The following KL variants were observed in gnomAD, a reference collection of about 807,000 sequenced individuals.
KL encodes klotho.
KL carries 62 observed loss-of-function variants against 84.2 expected under a neutral mutation model. The ratio of observed to expected loss-of-function variants is 0.74; its 90% CI spans 0.60 to 0.91. The LOEUF is 0.91. Among genes scored for constraint, KL ranks in the 40% least tolerant of loss-of-function variants. The pLI is 0.00. For synonymous variants in KL, 528 were observed against 528.0 expected (o/e 1.00, Z 0.00); for missense variants, 1,261 against 1,305.7 (o/e 0.97, Z 0.53).
rs754330394 is a variant in KL, at chr13:33,060,864, C to T, written c.1785C>T (p.Phe595=). The change falls in exon 4 of 5, where the codon TTC becomes TTT. Residue 595 remains phenylalanine (F), a synonymous_variant. Coordinates refer to ENST00000380099, the MANE Select transcript of KL (RefSeq NM_004795.4). ...LQEMHVTHFR[F]SLDWALILPL... Reference sequence around the variant, plus strand: ...AAATGCACGTTACACATTTTCGCTTCTCCCTGGACTGGGCCCTGATTCTCC... The same window carrying T: ...AAATGCACGTTACACATTTTCGCTTTTCCCTGGACTGGGCCCTGATTCTCC... 5.0e-6 allele frequency: 8 copies of T among 1,614,224 alleles called. No homozygotes were observed. In the South Asian group the frequency reaches 6.6e-5, roughly 13 times the overall value.
In KL at chr13:33,064,683, G is replaced by T; in HGVS notation, c.*497G>T. ...GTTTCCTATGGAAAAGAAGATGGCA[G>T]ATACAGGAGAGACGACAGAGGGTCC... On this transcript the variant is annotated 3_prime_UTR_variant, in exon 5 of 5. Transcript: ENST00000380099. 4.3e-6 allele frequency: 1 copy of T among 233,648 alleles called. No homozygotes were observed. The highest frequency in any genetic ancestry group is 8.4e-6 in the Non-Finnish European group (1 of 118,524). The allele number at this position is 233,648 out of a possible 1,614,324, so 14.5% of individuals were successfully genotyped here.
chr13:33,057,258 C>G (rs1266242630), intron 3 of KL, among the ~76,000 whole-genome samples: 1 of 152,102 alleles, frequency 6.6e-6, no homozygotes, highest in Non-Finnish European at 1.5e-5. Context: ...CTGTGCAGAT[C>G]ATGGGAACGA....
chr13:33,016,735 G>T lies in KL; in HGVS notation c.295G>T (p.Ala99Ser). ...GGATACGTTCACCCACCACCCCCTGGCACCCCCGGGAGACTCCCGGAACGC... is the reference window on the plus strand; with the variant it reads ...GGATACGTTCACCCACCACCCCCTGTCACCCCCGGGAGACTCCCGGAACGC... ...IWDTFTHHPL[A>S]PPGDSRNASL... The change falls in exon 1 of 5, where the codon GCA (alanine) becomes TCA (serine). Residue 99 changes from alanine to serine, a missense_variant. Ala to Ser is a moderately conservative substitution (Grantham distance 99). Transcript: ENST00000380099. The T allele has an allele frequency of 6.2e-7, 1 of 1,611,078 alleles. No homozygotes were observed.
rs753553908 is a variant in KL at position 33,061,171 on chromosome 13, A to G, written c.2092A>G (p.Ser698Gly). The G allele has an allele frequency of 2.5e-6, 4 of 1,614,154 alleles. No homozygotes were observed. In the African/African-American group the frequency reaches 4.0e-5, roughly 16 times the overall value. ...GCCGTATACAAGGAATATGACATAC[A>G]GTGCTGGCCACAACCTTCTGAAGGC... ...NEPYTRNMTY[S>G]AGHNLLKAHA... Residue 698 changes from serine to glycine, a missense_variant, in exon 4 of 5, where the codon AGT becomes GGT. Ser to Gly is a moderately conservative substitution (Grantham distance 56, BLOSUM62 0). Transcript: ENST00000380099.
chr13:33,020,976 C>A (rs1464194233), intron 1 of KL, among the ~76,000 whole-genome samples: 1 of 152,150 alleles, frequency 6.6e-6, no homozygotes, highest in Non-Finnish European at 1.5e-5. Flanking sequence ...CTATGGCATC[C>A]TGCACAGGAC....
At chr13:33,036,592 ATTGGCCTGGC>A (rs1231879020) in intron 1 of KL, among the ~76,000 whole-genome samples, 4 of 152,150 alleles carry the variant, frequency 2.6e-5, no homozygotes, top group African/African-American at 9.6e-5. Context: ...AAGGTATCTC[ATTGGCCTGGC>A]TTGGGTCATT....
intron 1 of KL, among the ~76,000 whole-genome samples, chr13:33,042,411 G>T (rs775608067): frequency 6.6e-6 from 1 of 152,076 alleles, no homozygotes; most frequent in African/African-American, 2.4e-5. Flanking sequence ...GTAGGAAACC[G>T]CTGTTGTGAT....
At chr13:33,045,129 T>C (rs1871479083) in intron 1 of KL, among the ~76,000 whole-genome samples, 1 of 152,198 alleles carries the variant, frequency 6.6e-6, no homozygotes, top group Non-Finnish European at 1.5e-5. Flanking sequence ...TGGAATTGTT[T>C]TCTTAATTTT....
rs141133607 is a variant in KL, at chr13:33,060,867, C to A, written c.1788C>A (p.Ser596=). 73 of 1,614,216 alleles carry A rather than the reference C, an allele frequency of 4.5e-5. No individual in the cohort carries two copies. In the African/African-American group the frequency reaches 6.9e-4, roughly 15 times the overall value. ...QEMHVTHFRF[S]LDWALILPLG... is the part of the protein sequence containing the mutation. ...TGCACGTTACACATTTTCGCTTCTC[C>A]CTGGACTGGGCCCTGATTCTCCCTC... Residue 596 remains serine (S), a synonymous_variant, in exon 4 of 5, where the codon TCC becomes TCA. Coordinates refer to ENST00000380099, the MANE Select transcript of KL (RefSeq NM_004795.4).
chr13:33,055,269 C>T lies in KL; in HGVS notation c.1553C>T (p.Thr518Ile), dbSNP rs1031858876. The change falls in exon 3 of 5, where the codon ACA becomes ATA. Residue 518 changes from threonine (T) to isoleucine (I), a missense_variant. Physicochemically the swap from Thr to Ile is moderately conservative, Grantham distance 89. Coordinates refer to ENST00000380099, the MANE Select transcript of KL (RefSeq NM_004795.4). ...CCTGAAAATCAGCCCCTAGAAGGGACATTTCCCTGTGACTTTGCTTGGGGA... is the reference window on the plus strand; with the variant it reads ...CCTGAAAATCAGCCCCTAGAAGGGATATTTCCCTGTGACTTTGCTTGGGGA... Reference protein sequence around the residue: ...PLPENQPLEGTFPCDFAWGVV... With the variant: ...PLPENQPLEGIFPCDFAWGVV... The T allele has an allele frequency of 2.5e-6, 4 of 1,614,054 alleles. No individual in the cohort carries two copies. The highest frequency in any genetic ancestry group is 2.2e-5 in the East Asian group (1 of 44,896).
Position 33,064,289 on chromosome 13 carries a change from A to G in KL, c.*103A>G. On this transcript the variant is annotated 3_prime_UTR_variant, in exon 5 of 5. Coordinates refer to ENST00000380099, the MANE Select transcript of KL (RefSeq NM_004795.4). ...TGTTGTGAAACTGTAAATTTCATAC[A>G]TTTGACTTCTAGAAAACATTTTTGT... 4.4e-6 allele frequency: 4 copies of G among 914,246 alleles called. No individual in the cohort carries two copies. The highest frequency in any genetic ancestry group is 2.5e-5 in the Admixed American group (1 of 39,744). 56.6% of individuals were successfully genotyped at this position (914,246 alleles called of 1,614,324 possible). A position where few individuals can be genotyped will look rare whatever the true frequency, so the allele number is the denominator to read the frequency against.
intron 1 of KL, among the ~76,000 whole-genome samples, chr13:33,049,547 C>T (rs1381840830): frequency 1.3e-5 from 2 of 152,134 alleles, no homozygotes; most frequent in Admixed American, 6.5e-5. Flanking sequence ...CTGGAGGTGG[C>T]GACATCTAAG....
chr13:33,035,514 A>G (rs964212426), intron 1 of KL, among the ~76,000 whole-genome samples: 3 of 152,214 alleles, frequency 2.0e-5, no homozygotes, highest in African/African-American at 7.2e-5. Context: ...AAAAAATCCT[A>G]TTTGACTGAT....
In KL at chr13:33,016,631, G is replaced by A. The variant is rs749006234; in HGVS notation, c.191G>A (p.Gly64Asp). 6 of 1,557,528 alleles carry A rather than the reference G, an allele frequency of 3.9e-6. No homozygotes were observed. Among genetic ancestry groups the A allele is most frequent in the Non-Finnish European group, 4.3e-6 (5 of 1,151,134 alleles). Residue 64 changes from glycine to aspartate, a missense_variant, in exon 1 of 5, where the codon GGC (glycine) becomes GAC (aspartate). Coordinates refer to ENST00000380099, the MANE Select transcript of KL (RefSeq NM_004795.4). ...CTCTTCCAGGGCACCTTCCCCGACG[G>A]CTTCCTCTGGGCCGTGGGCAGCGCC... ...AGLFQGTFPD[G>D]FLWAVGSAAY... is the part of the protein sequence containing the mutation.
chr13:33,022,881 T>C (rs1441520944), intron 1 of KL, among the ~76,000 whole-genome samples: 2 of 152,234 alleles, frequency 1.3e-5, no homozygotes, highest in African/African-American at 4.8e-5. Context: ...CCATATTCTT[T>C]CTTGTAAATG....
Position 33,036,011 on chromosome 13 carries a change from A to G in KL, c.820-17756A>G, listed in dbSNP as rs957372191. Among the ~76,000 whole-genome samples the G allele has an allele frequency of 3.3e-5, 5 of 152,234 alleles. 1 individual carries two copies. ...ATTGTCACCTACTTTGGAAAAGTCC[A>G]GATAAAACAATCTTAAGTAACAAAA... On this transcript the variant is annotated intron_variant, in intron 1 of 4. Coordinates refer to ENST00000380099, the MANE Select transcript of KL (RefSeq NM_004795.4).
chr13:33,060,369 C>A (rs539997569), intron 3 of KL, among the ~76,000 whole-genome samples: 2 of 152,254 alleles, frequency 1.3e-5, no homozygotes, highest in Non-Finnish European at 2.9e-5. Context: ...ACTCTGCTTA[C>A]ATAACACCGA....
At position 33,053,623 on chromosome 13, in the gene KL, A is replaced by G. The variant is rs7323281; in HGVS notation, c.820-144A>G. On this transcript the variant is annotated intron_variant, in intron 1 of 4. Coordinates refer to ENST00000380099, the MANE Select transcript of KL (RefSeq NM_004795.4). ...GGGTGACCTACCTTTGAAATAATGTATTGGTTCTAGCTGATTTTTATATTG... is the reference window on the plus strand; with the variant it reads ...GGGTGACCTACCTTTGAAATAATGTGTTGGTTCTAGCTGATTTTTATATTG... 224,387 of 774,990 alleles carry G rather than the reference A, an allele frequency of 0.29. 33,964 individuals carry two copies. Among genetic ancestry groups the G allele is most frequent in the East Asian group, 0.46 (17,908 of 38,888 alleles). The allele number at this position is 774,990 out of a possible 1,614,324, so 48.0% of individuals were successfully genotyped here.
chr13:33,052,596 C>T (rs1871795094), intron 1 of KL, among the ~76,000 whole-genome samples: 1 of 152,092 alleles, frequency 6.6e-6, no homozygotes, highest in Admixed American at 6.5e-5. Context: ...AAATGTTTGG[C>T]TGAACCCATA....
Sources: gnomAD v4.1 joint callset for allele counts (sites outside exome capture counted in the v4.1 genomes callset) on GRCh38, gnomAD v4.1.1 for gene constraint, MANE v1.5 for transcripts, NCBI Gene and HGNC (gene_info 2026-07-23, HGNC 2026-07-21) for gene names.